ANKRD44: variants seen among roughly 807,000 people sequenced by gnomAD.
ANKRD44 encodes the protein ankyrin repeat domain 44.
A neutral mutation model predicts 116.0 loss-of-function variants in ANKRD44; 35 were observed. The ratio of observed to expected loss-of-function variants is 0.30; its 90% CI spans 0.23 to 0.40. ANKRD44 has a LOEUF of 0.40. Among genes scored for constraint, ANKRD44 ranks in the 10% least tolerant of loss-of-function variants. The pLI, the probability that ANKRD44 is intolerant of heterozygous loss-of-function variation, is 1.00. For missense variants in ANKRD44, 1,014 were observed against 1,242.6 expected (o/e 0.82, Z 2.77); for synonymous variants, 435 against 461.8 (o/e 0.94, Z 0.74).
chr2:197,131,338 C>T (rs1199221251), intron 4 of ANKRD44, among the ~76,000 whole-genome samples: 2 of 151,722 alleles, frequency 1.3e-5, no homozygotes, highest in Non-Finnish European at 2.9e-5. Flanking sequence ...ACTACAGGCG[C>T]CCGCTACCAC....
chr2:197,072,040 GAGGAAAGAAGGAAGGAAGGA>G (rs796184601), intron 16 of ANKRD44, among the ~76,000 whole-genome samples: 15,178 of 132,518 alleles, frequency 0.11, 951 homozygotes, highest in Non-Finnish European at 0.15. Context: ...GGGATGGAGG[GAGGAAAGAAGGAAGGAAGGA>G]AGGAAGGAAG....
At chr2:196,972,640 T>C (rs1243245446) in intron 21 of ANKRD44, among the ~76,000 whole-genome samples, 1 of 152,262 alleles carries the variant, frequency 6.6e-6, no homozygotes, top group East Asian at 1.9e-4. Context: ...TAATAGCTGA[T>C]ATGCAAGTCT....
At chr2:197,009,103 T>C in intron 18 of ANKRD44, 72 bp from the exon 19 acceptor site, 1 of 1,307,352 alleles carries the variant, frequency 7.6e-7, no homozygotes, top group Non-Finnish European at 1.1e-6. Context: ...TGACTTTTTC[T>C]TTTTTTTGAG....
chr2:197,163,550 A>G (rs2080021104), intron 2 of ANKRD44, among the ~76,000 whole-genome samples: 1 of 152,218 alleles, frequency 6.6e-6, no homozygotes, highest in African/African-American at 2.4e-5. Flanking sequence ...ACTGGTGTGG[A>G]ACATTTCCAG....
At chr2:197,237,931 C>G (rs1218669769) in intron 1 of ANKRD44, among the ~76,000 whole-genome samples, 1 of 152,228 alleles carries the variant, frequency 6.6e-6, no homozygotes, top group African/African-American at 2.4e-5. Flanking sequence ...CTTCTCAGAG[C>G]TTTGGTCCAG....
chr2:197,033,279 TG>T (rs2076742134), intron 16 of ANKRD44, among the ~76,000 whole-genome samples: 1 of 150,070 alleles, frequency 6.7e-6, no homozygotes, highest in African/African-American at 2.5e-5. Flanking sequence ...ACTAGGAGAG[TG>T]AAATGGTGAT....
intron 1 of ANKRD44, among the ~76,000 whole-genome samples, chr2:197,272,163 C>G (rs1275570833): frequency 6.6e-6 from 1 of 152,164 alleles, no homozygotes; most frequent in Non-Finnish European, 1.5e-5. Context: ...GGCTGGCACC[C>G]CGATCTGGGA....
intron 16 of ANKRD44, among the ~76,000 whole-genome samples, chr2:197,048,395 T>A (rs540741331): frequency 1.3e-5 from 2 of 152,296 alleles, no homozygotes; most frequent in South Asian, 4.2e-4. Context: ...TGTGTCCAAG[T>A]GTTCTCATTG....
chr2:197,080,924 T>A (rs2077779410), intron 15 of ANKRD44, among the ~76,000 whole-genome samples: 1 of 149,676 alleles, frequency 6.7e-6, no homozygotes, highest in South Asian at 2.1e-4. Context: ...TTCGTTTGTT[T>A]GTTCATTTAC....
chr2:197,114,334 A>C lies in ANKRD44; in HGVS notation c.907-3490T>G, dbSNP rs544952708. ...TTTTCCCATAGAATTTAGGGCTTTG[A>C]AATTATTGTTATTTTGATAATCCAT... is the stretch of plus-strand genomic sequence containing the variant. On this transcript the variant is annotated intron_variant, in intron 8 of 27. Transcript: ENST00000282272. 2.6e-5 allele frequency among the ~76,000 whole-genome samples: 4 copies of C among 152,314 alleles called. No homozygotes were observed. The South Asian group carries it at 6.2e-4, about 24-fold the overall frequency.
chr2:197,139,845 C>CTT (rs1401246385), intron 3 of ANKRD44, among the ~76,000 whole-genome samples: 1 of 121,880 alleles, frequency 8.2e-6, no homozygotes, highest in African/African-American at 3.2e-5. Flanking sequence ...GACTAAGCTG[C>CTT]TTTTGTGTGT....
At chr2:197,048,826 C>T (rs138251515) in intron 16 of ANKRD44, among the ~76,000 whole-genome samples, 5,904 of 152,178 alleles carry the variant, frequency 0.039, 389 homozygotes, top group African/African-American at 0.13. Context: ...TCCTATTTCT[C>T]CACATCCTCT....
intron 25 of ANKRD44, among the ~76,000 whole-genome samples, chr2:196,995,852 G>A (rs115658529): frequency 9.5e-4 from 145 of 152,246 alleles, no homozygotes; most frequent in Non-Finnish European, 1.5e-3. Flanking sequence ...ATTTCAAGAC[G>A]TCAGTTACTA....
chr2:197,025,308 T>C (rs1166657314), intron 16 of ANKRD44, 41 bp from the exon 17 acceptor site: 1 of 1,573,890 alleles, frequency 6.4e-7, no homozygotes, highest in Non-Finnish European at 8.7e-7. Flanking sequence ...TGAGTCCAAA[T>C]TTTGCAAAAT....
intron 13 of ANKRD44, among the ~76,000 whole-genome samples, chr2:197,084,144 A>G (rs889393717): frequency 1.3e-5 from 2 of 152,132 alleles, no homozygotes; most frequent in Admixed American, 6.5e-5. Context: ...TCAGCCTAGA[A>G]TTGAAGACTT....
At chr2:197,290,932 G>A (rs1383563511) in intron 1 of ANKRD44, among the ~76,000 whole-genome samples, 17 of 152,050 alleles carry the variant, frequency 1.1e-4, no homozygotes, top group Non-Finnish European at 5.9e-5. Flanking sequence ...ATTTGTGCCA[G>A]GCACAGCAGC....
chr2:197,186,946 T>G (rs995169340), intron 2 of ANKRD44, 77 bp downstream of exon 2: 14 of 1,157,284 alleles, frequency 1.2e-5, no homozygotes, highest in Non-Finnish European at 1.7e-5. Flanking sequence ...CAAGAGTCCA[T>G]GGTATATAAA....
At chr2:197,066,610 A>G (rs1343836489) in intron 16 of ANKRD44, among the ~76,000 whole-genome samples, 4 of 152,212 alleles carry the variant, frequency 2.6e-5, no homozygotes, top group Admixed American at 6.5e-5. Flanking sequence ...TACAACATCA[A>G]TGTGCAAAAA....
At chr2:197,144,487 G>A (rs2079447638) in intron 3 of ANKRD44, among the ~76,000 whole-genome samples, 1 of 152,120 alleles carries the variant, frequency 6.6e-6, no homozygotes, top group African/African-American at 2.4e-5. Context: ...AGGACTTTTT[G>A]GGAAAATAAA....
Sources: allele counts gnomAD v4.1 joint callset (sites outside exome capture counted in the v4.1 genomes callset), GRCh38; gene constraint gnomAD v4.1.1; transcripts MANE v1.5; gene names NCBI Gene and HGNC (gene_info 2026-07-23, HGNC 2026-07-21).